Variants in IFIH1 observed in about 807,000 individuals in gnomAD.
IFIH1 encodes the protein interferon-induced helicase C domain-containing protein 1.
In IFIH1, 125 loss-of-function variants were observed where a neutral mutation model predicts 107.4. The observed-to-expected ratio is 1.16, with a 90% CI of 1.01 to 1.35. The LOEUF (loss-of-function observed/expected upper bound fraction) is 1.35, where lower values mean the gene tolerates loss of function less well. Ranked by LOEUF, IFIH1 falls within the 40% of genes most tolerant of loss-of-function variation. IFIH1 has a pLI of 0.00. For synonymous variants in IFIH1, 458 were observed against 413.2 expected (o/e 1.11, Z -1.31); for missense variants, 1,333 against 1,213.7 (o/e 1.10, Z -1.46).
chr2:162,293,507 C>T, intron 4 of IFIH1, 57 bp downstream of exon 4: 1 of 1,054,004 alleles, frequency 9.5e-7, no homozygotes, highest in Non-Finnish European at 1.5e-6. Flanking sequence ...CCCATGCTTC[C>T]ACTATATGGC....
chr2:162,272,383 C>G lies in IFIH1; in HGVS notation c.2459G>C (p.Arg820Pro), dbSNP rs74162087. ...VTNEIAMVQA[R>P]GRARADESTY... Reference sequence around the variant, plus strand: ...GCTCTCATCAGCTCTGGCTCGACCACGGGCCTGAAAACACAAATAAATCAA... The same window carrying G: ...GCTCTCATCAGCTCTGGCTCGACCAGGGGCCTGAAAACACAAATAAATCAA... The change falls in exon 13 of 16, where the codon CGT (arginine) becomes CCT (proline). Residue 820 changes from arginine to proline, a missense_variant. By Grantham distance (103) the Arg-to-Pro change is moderately radical. Coordinates refer to ENST00000649979, the MANE Select transcript of IFIH1 (RefSeq NM_022168.4). The G allele has an allele frequency of 1.2e-6, 2 of 1,611,500 alleles. No homozygotes were observed. The highest frequency in any genetic ancestry group is 1.7e-6 in the Non-Finnish European group (2 of 1,178,866).
chr2:162,268,265 G>C lies in IFIH1; in HGVS notation c.2629C>G (p.Gln877Glu). 1 of 1,604,472 alleles carries C rather than the reference G, an allele frequency of 6.2e-7. No individual in the cohort carries two copies. Among genetic ancestry groups the C allele is most frequent in the Non-Finnish European group, 8.5e-7 (1 of 1,173,518 alleles). ...EEYAHKILEL[Q>E]MQSIMEKKMK... is the part of the protein sequence containing the mutation. ...TTCTTTTCCATTATACTTTGCATCT[G>C]TAATTCCAAAATCTGGACAGAGAAA... The change falls in exon 14 of 16, where the codon CAG becomes GAG. Residue 877 changes from glutamine to glutamate, a missense_variant. Coordinates refer to ENST00000649979, the MANE Select transcript of IFIH1 (RefSeq NM_022168.4).
intron 3 of IFIH1, among the ~76,000 whole-genome samples, chr2:162,299,746 T>A (rs1035759995): frequency 6.6e-6 from 1 of 152,164 alleles, no homozygotes; most frequent in Non-Finnish European, 1.5e-5. Flanking sequence ...TGTGTGTGTG[T>A]GAGAAAAAGC....
chr2:162,304,802 A>T (rs1683252071), intron 3 of IFIH1, among the ~76,000 whole-genome samples: 1 of 152,230 alleles, frequency 6.6e-6, no homozygotes, highest in Non-Finnish European at 1.5e-5. Context: ...TCATTCTCGT[A>T]GAAGAGAATT....
intron 8 of IFIH1, 54 bp from the exon 9 acceptor site, chr2:162,278,382 CATT>C: frequency 1.1e-6 from 1 of 911,124 alleles, no homozygotes. Flanking sequence ...AAAGGAATAA[CATT>C]ATCTTTGTTA....
At chr2:162,282,302 TA>T (rs1389544096) in intron 6 of IFIH1, 63 bp downstream of exon 6, 1 of 1,021,244 alleles carries the variant, frequency 9.8e-7, no homozygotes, top group African/African-American at 1.7e-5. Context: ...AATTAACAAA[TA>T]CAGCCTTTGT....
Position 162,310,923 on chromosome 2 carries a change from G to T in IFIH1, c.464C>A (p.Ala155Glu). 6.2e-7 allele frequency: 1 copy of T among 1,612,314 alleles called. No homozygotes were observed. Among genetic ancestry groups the T allele is most frequent in the Admixed American group, 1.7e-5 (1 of 59,926 alleles). Residue 155 changes from alanine to glutamate, a missense_variant, in exon 2 of 16, where the codon GCA (alanine) becomes GAA (glutamate). By Grantham distance (107) the Ala-to-Glu change is moderately radical. Transcript: ENST00000649979. ...ACCTGATTCATTTCCATTGTTTTCT[G>T]CAGCAGCAATCTGTTGTAAGAGAAA... ...TIEDRNRIAA[A>E]ENNGNESGVR... is the part of the protein sequence containing the mutation.
At chr2:162,312,844 C>T (rs1299889902) in intron 1 of IFIH1, among the ~76,000 whole-genome samples, 2 of 152,090 alleles carry the variant, frequency 1.3e-5, no homozygotes, top group African/African-American at 2.4e-5. Flanking sequence ...ATTACCCCAT[C>T]CTTTAATCAG....
intron 4 of IFIH1, among the ~76,000 whole-genome samples, chr2:162,293,259 T>C (rs1424976660): frequency 6.6e-6 from 1 of 151,946 alleles, no homozygotes; most frequent in African/African-American, 2.4e-5. Context: ...ACAGTCTATT[T>C]AAATGCAGTC....
Position 162,278,198 on chromosome 2 carries a change from A to C in IFIH1, c.1765+7T>G, listed in dbSNP as rs899413903. The stretch of plus-strand genomic sequence containing the variant: ...TAAACTAAGTGTTAGGTCCAAACCT[A>C]AATTACCTTTTTTTTCCATTTGAAT... On this transcript the variant is annotated splice_region_variant and intron_variant, in intron 9 of 15. Transcript: ENST00000649979. The C allele has an allele frequency of 1.2e-6, 2 of 1,602,154 alleles. No individual in the cohort carries two copies. The highest frequency in any genetic ancestry group is 1.7e-5 in the Admixed American group (1 of 57,308).
intron 2 of IFIH1, among the ~76,000 whole-genome samples, chr2:162,309,075 T>C (rs1451068622): frequency 1.3e-5 from 2 of 152,156 alleles, no homozygotes; most frequent in African/African-American, 4.8e-5. Context: ...AAAGGAGATA[T>C]AGGAAAGAAA....
At position 162,312,360 on chromosome 2, in the gene IFIH1, C is replaced by T. The variant is rs1048587550; in HGVS notation, c.454-1427G>A. ...TTCTAGGGAACTTGAATATATTAAC[C>T]CAGCAGCCCAGAAATAGGTACCAAT... On this transcript the variant is annotated intron_variant, in intron 1 of 15. Coordinates refer to ENST00000649979, the MANE Select transcript of IFIH1 (RefSeq NM_022168.4). Among the ~76,000 whole-genome samples, 4 of 152,048 alleles carry T rather than the reference C, an allele frequency of 2.6e-5. No individual in the cohort carries two copies. The East Asian group carries it at 5.8e-4, about 22-fold the overall frequency.
At chr2:162,289,366 G>A (rs963245205) in intron 4 of IFIH1, among the ~76,000 whole-genome samples, 1 of 151,246 alleles carries the variant, frequency 6.6e-6, no homozygotes, top group African/African-American at 2.4e-5. Flanking sequence ...TGACCATATT[G>A]ACCTATATTA....
Position 162,318,466 on chromosome 2 carries a change from G to T in IFIH1, c.-159C>A, listed in dbSNP as rs1683559967. On this transcript the variant is annotated 5_prime_UTR_variant, in exon 1 of 16. Coordinates refer to ENST00000649979, the MANE Select transcript of IFIH1 (RefSeq NM_022168.4). The stretch of plus-strand genomic sequence containing the variant: ...ACGAGGTTGTCCACAGGGCTCTCAG[G>T]CCGGCGCGCGGGGCTGCACTCGCAC... 1 of 639,228 alleles carries T rather than the reference G, an allele frequency of 1.6e-6. No homozygotes were observed. The highest frequency in any genetic ancestry group is 2.6e-6 in the Non-Finnish European group (1 of 378,192). 39.6% of individuals were successfully genotyped at this position (639,228 alleles called of 1,614,324 possible).
At chr2:162,290,598 A>T (rs904596056) in intron 4 of IFIH1, among the ~76,000 whole-genome samples, 1 of 151,948 alleles carries the variant, frequency 6.6e-6, no homozygotes, top group African/African-American at 2.4e-5. Flanking sequence ...AGGCACTCTC[A>T]ATAATATAGT....
chr2:162,294,740 T>C (rs1416079712), intron 3 of IFIH1, among the ~76,000 whole-genome samples: 1 of 151,818 alleles, frequency 6.6e-6, no homozygotes, highest in African/African-American at 2.4e-5. Context: ...ATAATGTTCT[T>C]CTTTTAATTA....
rs140977021 is a variant in IFIH1, at chr2:162,282,575, A to G, written c.1097T>C (p.Val366Ala). ...GCGGAAGAGCTGTTCAACTAGCAGT[A>G]CCTTAAAAAAATGTGAAGATTTTTT... ...PGKVIVLVNK[V>A]LLVEQLFRKE... The change falls in exon 6 of 16, where the codon GTA (valine) becomes GCA (alanine). Residue 366 changes from valine to alanine, a missense_variant and splice_region_variant. By Grantham distance (64) the Val-to-Ala change is moderately conservative. Coordinates refer to ENST00000649979, the MANE Select transcript of IFIH1 (RefSeq NM_022168.4). The G allele has an allele frequency of 1.9e-6, 3 of 1,594,578 alleles. No individual in the cohort carries two copies. Among genetic ancestry groups the G allele is most frequent in the Non-Finnish European group, 2.6e-6 (3 of 1,169,292 alleles).
intron 3 of IFIH1, among the ~76,000 whole-genome samples, chr2:162,300,117 ATG>A (rs1192179269): frequency 6.6e-6 from 1 of 152,106 alleles, no homozygotes. Context: ...TTGTGGAGGC[ATG>A]TCACTTGTTT....
chr2:162,279,878 C>T (rs1682775006), intron 8 of IFIH1, 118 bp downstream of exon 8: 1 of 686,500 alleles, frequency 1.5e-6, no homozygotes, highest in Non-Finnish European at 2.6e-6. Context: ...AAACCTGAAA[C>T]TTGTTTGCTA....
Sources: allele counts gnomAD v4.1 joint callset (sites outside exome capture counted in the v4.1 genomes callset), GRCh38; gene constraint gnomAD v4.1.1; transcripts MANE v1.5; gene names NCBI Gene and HGNC (gene_info 2026-07-23, HGNC 2026-07-21).